The following SMYD3 variants were observed in gnomAD, a reference collection of about 807,000 sequenced individuals.
SMYD3 encodes the protein histone-lysine N-methyltransferase SMYD3.
Under a neutral mutation model 57.7 loss-of-function variants are expected in SMYD3, and 36 were observed. The ratio of observed to expected loss-of-function variants is 0.62; its 90% CI spans 0.48 to 0.82. SMYD3 has a LOEUF of 0.82. SMYD3 is among the 40% of genes least tolerant of loss of function. SMYD3 has a pLI of 0.00. For synonymous variants in SMYD3, 211 were observed against 195.0 expected, an observed-to-expected ratio of 1.08 and a Z score of -0.68; for missense variants, 515 against 538.8, an observed-to-expected ratio of 0.96 and a Z score of 0.44.
intron 8 of SMYD3, among the ~76,000 whole-genome samples, chr1:245,866,457 T>C (rs1173795094): frequency 6.6e-6 from 1 of 151,976 alleles, no homozygotes; most frequent in African/African-American, 2.4e-5. Flanking sequence ...ACAGGCTGGA[T>C]GCGGCGGCTC....
chr1:246,490,313 G>T (rs186130417), intron 1 of SMYD3, among the ~76,000 whole-genome samples: 17 of 152,248 alleles, frequency 1.1e-4, no homozygotes, highest in African/African-American at 4.1e-4. Context: ...ATAATCAAGA[G>T]AAGGAGTCAG....
In SMYD3 at chr1:245,907,391, G is replaced by A. The variant is rs1166886798; in HGVS notation, c.813+8139C>T. Among the ~76,000 whole-genome samples, 12 of 152,162 alleles carry A rather than the reference G, an allele frequency of 7.9e-5. No homozygotes were observed. The South Asian group carries it at 1.9e-3, about 24-fold the overall frequency. On this transcript the variant is annotated intron_variant, in intron 8 of 11. Coordinates refer to ENST00000490107, the MANE Select transcript of SMYD3 (RefSeq NM_001167740.2). Reference sequence around the variant, plus strand: ...TAAAAAATAAAATAATTTAAAGTCAGAGAAAACCTATTTAACGAAATAACA... The same window carrying A: ...TAAAAAATAAAATAATTTAAAGTCAAAGAAAACCTATTTAACGAAATAACA...
intron 1 of SMYD3, among the ~76,000 whole-genome samples, chr1:246,502,830 A>G (rs2068477874): frequency 6.6e-6 from 1 of 152,122 alleles, no homozygotes; most frequent in South Asian, 2.1e-4. Flanking sequence ...TGATCCTGAC[A>G]TTCAGTCTAT....
chr1:245,830,587 T>C (rs1161194668), intron 10 of SMYD3, among the ~76,000 whole-genome samples: 1 of 152,200 alleles, frequency 6.6e-6, no homozygotes, highest in Admixed American at 6.5e-5. Context: ...TTTTCTTCTG[T>C]AACTCTATAG....
At chr1:246,267,861 T>G (rs1253112729) in intron 5 of SMYD3, among the ~76,000 whole-genome samples, 1 of 152,224 alleles carries the variant, frequency 6.6e-6, no homozygotes, top group Non-Finnish European at 1.5e-5. Flanking sequence ...TTTCAACAGA[T>G]TTCTATTCCC....
intron 1 of SMYD3, among the ~76,000 whole-genome samples, chr1:246,367,652 G>C (rs909597688): frequency 2.0e-5 from 3 of 151,980 alleles, no homozygotes; most frequent in Non-Finnish European, 4.4e-5. Context: ...GGCTGCTCTC[G>C]AACTCCTGGC....
rs1020352431 is a variant in SMYD3 at position 246,284,517 on chromosome 1, C to T, written c.531+42684G>A. 7.3e-5 allele frequency among the ~76,000 whole-genome samples: 11 copies of T among 151,560 alleles called. No homozygotes were observed. The East Asian group carries it at 9.8e-4, about 13-fold the overall frequency. On this transcript the variant is annotated intron_variant, in intron 5 of 11. Transcript: ENST00000490107. ...CTGCAAGCTCCGCCTCCTGGGTTCA[C>T]GCCATTCTCCTGCCTCAGCCTCCTG...
At chr1:246,301,347 A>G (rs2064889265) in intron 5 of SMYD3, among the ~76,000 whole-genome samples, 1 of 152,148 alleles carries the variant, frequency 6.6e-6, no homozygotes, top group African/African-American at 2.4e-5. Context: ...AGACAAACCA[A>G]TAAGTAACTG....
chr1:245,834,997 A>T (rs2148397889), intron 10 of SMYD3, among the ~76,000 whole-genome samples: 1 of 152,314 alleles, frequency 6.6e-6, no homozygotes, highest in East Asian at 1.9e-4. Context: ...ACATAAGGGC[A>T]ACTATTCCTT....
rs534310953 is a variant in SMYD3 at position 245,983,998 on chromosome 1, C to CTT, written c.532-54063_532-54062dup. On this transcript the variant is annotated intron_variant, in intron 5 of 11. Transcript: ENST00000490107. ...TTGAGTAAACTCAATCAAGTCTACT[C>CTT]TTTTTTTTTTTTTTTTTTTAAATGG... is the stretch of plus-strand genomic sequence containing the variant. Among the ~76,000 whole-genome samples, 328 of 134,442 alleles carry CTT rather than the reference C, an allele frequency of 2.4e-3. 3 individuals are homozygous for CTT. The highest frequency in any genetic ancestry group is 8.5e-3 in the East Asian group (39 of 4,584). The allele number at this position is 134,442 out of a possible 152,430, so 88.2% of individuals were successfully genotyped here.
intron 5 of SMYD3, among the ~76,000 whole-genome samples, chr1:246,071,400 T>C (rs1268546212): frequency 2.0e-5 from 3 of 152,190 alleles, no homozygotes; most frequent in African/African-American, 7.2e-5. Flanking sequence ...TAAAATGTTT[T>C]AAATTATTTA....
chr1:246,003,291 T>TG (rs1417296300), intron 5 of SMYD3, among the ~76,000 whole-genome samples: 5 of 152,220 alleles, frequency 3.3e-5, no homozygotes, highest in Non-Finnish European at 7.3e-5. Context: ...CTCAAACCTC[T>TG]GGCAGGGGCA....
intron 9 of SMYD3, among the ~76,000 whole-genome samples, chr1:245,861,704 C>T (rs954050723): frequency 6.6e-6 from 1 of 152,194 alleles, no homozygotes; most frequent in South Asian, 2.1e-4. Context: ...TCCCACTAAT[C>T]CTCCCAGACG....
chr1:246,334,508 T>C (rs1352076438), intron 3 of SMYD3, among the ~76,000 whole-genome samples: 1 of 152,038 alleles, frequency 6.6e-6, no homozygotes, highest in African/African-American at 2.4e-5. Context: ...GAGCTACATA[T>C]TGGGTGGACA....
intron 5 of SMYD3, among the ~76,000 whole-genome samples, chr1:246,123,169 A>G (rs2061449583): frequency 6.6e-6 from 1 of 152,220 alleles, no homozygotes; most frequent in Admixed American, 6.5e-5. Flanking sequence ...ACACCTTTCA[A>G]AAAATGAGCT....
intron 3 of SMYD3, among the ~76,000 whole-genome samples, chr1:246,331,356 T>A (rs77432753): frequency 0.031 from 4,766 of 152,354 alleles, 93 homozygotes; most frequent in Non-Finnish European, 0.04. Context: ...TGTATGTGTA[T>A]CTTCCTTGAA....
chr1:246,270,553 A>T (rs992511293), intron 5 of SMYD3, among the ~76,000 whole-genome samples: 4 of 152,204 alleles, frequency 2.6e-5, no homozygotes, highest in African/African-American at 9.7e-5. Flanking sequence ...AGTATCTCAT[A>T]AAAGTGGAGT....
intron 5 of SMYD3, among the ~76,000 whole-genome samples, chr1:245,999,537 T>C (rs1048864330): frequency 2.0e-5 from 3 of 152,252 alleles, no homozygotes; most frequent in African/African-American, 7.2e-5. Flanking sequence ...TGACCTGGAA[T>C]CTATGTTTTT....
intron 10 of SMYD3, among the ~76,000 whole-genome samples, chr1:245,781,107 G>A (rs1348447187): frequency 6.6e-6 from 1 of 152,172 alleles, no homozygotes; most frequent in Non-Finnish European, 1.5e-5. Context: ...TGAACTGACT[G>A]CAAACAGGCC....
Sources: gnomAD v4.1 joint callset for allele counts (sites outside exome capture counted in the v4.1 genomes callset) on GRCh38, gnomAD v4.1.1 for gene constraint, MANE v1.5 for transcripts, NCBI Gene and HGNC (gene_info 2026-07-23, HGNC 2026-07-21) for gene names.